Variants in CDH4 observed in about 807,000 individuals in gnomAD.
The protein encoded by CDH4 is cadherin 4.
CDH4 carries 33 observed loss-of-function variants against 86.0 expected under a neutral mutation model. The ratio of observed to expected loss-of-function variants is 0.38; its 90% CI spans 0.29 to 0.51. The LOEUF is 0.51. Among genes scored for constraint, CDH4 ranks in the 20% least tolerant of loss-of-function variants. The pLI is 0.86. For synonymous variants in CDH4, 555 were observed against 549.4 expected (o/e 1.01, Z -0.14); for missense variants, 1,114 against 1,307.4 (o/e 0.85, Z 2.28).
intron 2 of CDH4, among the ~76,000 whole-genome samples, chr20:61,438,407 G>C (rs1207097941): frequency 6.6e-6 from 1 of 152,160 alleles, no homozygotes; most frequent in Non-Finnish European, 1.5e-5. Context: ...CAGTTTTATA[G>C]TGTGTGTTTT....
At chr20:61,701,008 G>A (rs970266030) in intron 2 of CDH4, among the ~76,000 whole-genome samples, 4 of 152,210 alleles carry the variant, frequency 2.6e-5, no homozygotes, top group African/African-American at 7.2e-5. Flanking sequence ...GTATGCTCTC[G>A]CTGCTCTGGA....
intron 6 of CDH4, among the ~76,000 whole-genome samples, chr20:61,872,082 A>T (rs1338160761): frequency 6.6e-6 from 1 of 152,148 alleles, no homozygotes; most frequent in African/African-American, 2.4e-5. Context: ...GGTCCTGGAA[A>T]TAAGCAGTAG....
chr20:61,296,008 C>G (rs2123193054), intron 2 of CDH4, among the ~76,000 whole-genome samples: 1 of 152,178 alleles, frequency 6.6e-6, no homozygotes, highest in East Asian at 1.9e-4. Flanking sequence ...AGGTGGTTTT[C>G]AGGAGGACGG....
chr20:61,883,041 C>T (rs998370653), intron 7 of CDH4, among the ~76,000 whole-genome samples: 12 of 152,158 alleles, frequency 7.9e-5, no homozygotes, highest in African/African-American at 2.9e-4. Context: ...CAAACCCCAC[C>T]ACGGTTTCCT....
chr20:61,863,388 C>T (rs1453826304), intron 6 of CDH4, among the ~76,000 whole-genome samples: 1 of 152,296 alleles, frequency 6.6e-6, no homozygotes, highest in Admixed American at 6.5e-5. Context: ...CCAGAGAAAG[C>T]CCTAGAAAGA....
rs760118171 is a variant in CDH4 at position 61,474,790 on chromosome 20, C to T, written c.169+219853C>T. Among the ~76,000 whole-genome samples, 3 of 152,012 alleles carry T rather than the reference C, an allele frequency of 2.0e-5. No homozygotes were observed. In the South Asian group the frequency reaches 6.2e-4, roughly 32 times the overall value. On this transcript the variant is annotated intron_variant, in intron 2 of 15. Coordinates refer to ENST00000614565, the MANE Select transcript of CDH4 (RefSeq NM_001794.5). ...TTTTATATGTTCTATTAAGGAAATCCCTGCTGTGGCAGATGCTAGCAGCAA... is the reference window on the plus strand; with the variant it reads ...TTTTATATGTTCTATTAAGGAAATCTCTGCTGTGGCAGATGCTAGCAGCAA...
intron 4 of CDH4, among the ~76,000 whole-genome samples, chr20:61,796,204 C>T (rs1357649802): frequency 2.6e-5 from 4 of 152,118 alleles, no homozygotes; most frequent in Non-Finnish European, 5.9e-5. Flanking sequence ...TTACTCCTAT[C>T]GTTTTACTGA....
chr20:61,436,766 A>G (rs978296738), intron 2 of CDH4, among the ~76,000 whole-genome samples: 1 of 151,744 alleles, frequency 6.6e-6, no homozygotes, highest in South Asian at 2.1e-4. Context: ...CAAGTCCCCA[A>G]CTCTCTGGTC....
chr20:61,654,914 CGGGGGCCTG>C (rs2087170857), intron 2 of CDH4, among the ~76,000 whole-genome samples: 1 of 62,402 alleles, frequency 1.6e-5, no homozygotes, highest in Non-Finnish European at 5.0e-5. Flanking sequence ...GACAGGGACA[CGGGGGCCTG>C]AGCCAGCCTC....
At chr20:61,662,277 C>A (rs56271746) in intron 2 of CDH4, among the ~76,000 whole-genome samples, 3 of 152,174 alleles carry the variant, frequency 2.0e-5, no homozygotes, top group Non-Finnish European at 2.9e-5. Flanking sequence ...TGGGAATGGC[C>A]GTGGCAGAGG....
At chr20:61,788,136 G>T (rs1317100324) in intron 4 of CDH4, among the ~76,000 whole-genome samples, 1 of 152,204 alleles carries the variant, frequency 6.6e-6, no homozygotes, top group African/African-American at 2.4e-5. Context: ...AAGGCCAGGG[G>T]TGTTGTTTTA....
chr20:61,754,419 C>T lies in CDH4; in HGVS notation c.396+10630C>T, dbSNP rs1025990453. On this transcript the variant is annotated intron_variant, in intron 3 of 15. Coordinates refer to ENST00000614565, the MANE Select transcript of CDH4 (RefSeq NM_001794.5). This position sits in a 1 kb window ranked among gnomAD's most constrained non-coding sequence, Gnocchi z 4.7. ...CTCCAGGGCTGTTGAGGACAAGTCC[C>T]CGCCCACGGCAGCCCCCAGGTCCCT... 7.9e-5 allele frequency among the ~76,000 whole-genome samples: 12 copies of T among 152,190 alleles called. No individual in the cohort carries two copies. The highest frequency in any genetic ancestry group is 2.9e-4 in the African/African-American group (12 of 41,516).
Position 61,923,582 on chromosome 20 carries a change from C to T in CDH4, c.1506C>T (p.Asn502=), listed in dbSNP as rs191072698. 3.6e-4 allele frequency: 587 copies of T among 1,614,192 alleles called. 4 individuals are homozygous for T. Among genetic ancestry groups the T allele is most frequent in the African/African-American group, 5.3e-5 (4 of 75,066 alleles). ...AGVTISIMDI[N]EAPYFPSNHK... is the part of the protein sequence containing the mutation. ...TGACCATCTCCATCATGGACATCAA[C>T]GAGGCTCCCTACTTCCCCTCAAACC... The change falls in exon 10 of 16, where the codon AAC becomes AAT. Residue 502 remains asparagine, a synonymous_variant. Transcript: ENST00000614565.
rs1017354793 is a variant in CDH4, at chr20:61,811,448, C to T, written c.577-33220C>T. ...TCTGAAGCAAGGAAAAAACAGCAGA[C>T]ATCTATCTGTATGCTTTTGCCATGA... On this transcript the variant is annotated intron_variant, in intron 4 of 15. Transcript: ENST00000614565. The surrounding 1 kb of genome is among the most constrained non-coding windows in gnomAD (Gnocchi z 4.4). Among the ~76,000 whole-genome samples, 1 of 152,220 alleles carries T rather than the reference C, an allele frequency of 6.6e-6. No individual in the cohort carries two copies. Among genetic ancestry groups the T allele is most frequent in the Non-Finnish European group, 1.5e-5 (1 of 68,044 alleles).
Position 61,657,759 on chromosome 20 carries a change from C to T in CDH4, c.170-85804C>T, listed in dbSNP as rs550678527. On this transcript the variant is annotated intron_variant, in intron 2 of 15. Coordinates refer to ENST00000614565, the MANE Select transcript of CDH4 (RefSeq NM_001794.5). ...AAGAATATAAATGCAGCATTCACCT[C>T]GTAGTAAAATGTGGAGCTACATGGG... Among the ~76,000 whole-genome samples, 73 of 152,320 alleles carry T rather than the reference C, an allele frequency of 4.8e-4. No homozygotes were observed. The Middle Eastern group carries it at 0.01, about 21-fold the overall frequency.
Position 61,709,974 on chromosome 20 carries a change from T to G in CDH4, c.170-33589T>G, listed in dbSNP as rs973644588. On this transcript the variant is annotated intron_variant, in intron 2 of 15. Coordinates refer to ENST00000614565, the MANE Select transcript of CDH4 (RefSeq NM_001794.5). This position sits in a 1 kb window ranked among gnomAD's most constrained non-coding sequence, Gnocchi z 4.8. ...ACCATCTGTGTGTTGTAGGGAAAAG[T>G]TTGCCACCAACAGCGAGTTTAAAAC... Among the ~76,000 whole-genome samples the G allele has an allele frequency of 3.9e-5, 6 of 152,090 alleles. No individual in the cohort carries two copies. The highest frequency in any genetic ancestry group is 1.4e-4 in the African/African-American group (6 of 41,396).
chr20:61,395,326 T>A (rs2085010632), intron 2 of CDH4, among the ~76,000 whole-genome samples: 1 of 152,160 alleles, frequency 6.6e-6, no homozygotes, highest in Non-Finnish European at 1.5e-5. Context: ...AATTGACATG[T>A]TAAAGTTGCA....
Position 61,873,789 on chromosome 20 carries a change from G to A in CDH4, c.939G>A (p.Met313Ile). ...ACGACAGCACCACGGCCAACGGGATGGTGCGGTACCGGATCGTGACCCAGA... is the reference window on the plus strand; with the variant it reads ...ACGACAGCACCACGGCCAACGGGATAGTGCGGTACCGGATCGTGACCCAGA... ...DADDSTTANG[M>I]VRYRIVTQTP... The change falls in exon 7 of 16, where the codon ATG (methionine) becomes ATA (isoleucine). Residue 313 changes from methionine to isoleucine, a missense_variant. By Grantham distance (10) the Met-to-Ile change is conservative. Coordinates refer to ENST00000614565, the MANE Select transcript of CDH4 (RefSeq NM_001794.5). 1.2e-6 allele frequency: 2 copies of A among 1,614,076 alleles called. No homozygotes were observed. Among genetic ancestry groups the A allele is most frequent in the Non-Finnish European group, 1.7e-6 (2 of 1,180,040 alleles).
intron 2 of CDH4, among the ~76,000 whole-genome samples, chr20:61,473,020 G>A (rs1305486809): frequency 1.3e-5 from 2 of 152,154 alleles, no homozygotes; most frequent in South Asian, 4.1e-4. Context: ...TGGGGCAGGG[G>A]AGGGGAGGGG....
Sources: allele counts gnomAD v4.1 joint callset (sites outside exome capture counted in the v4.1 genomes callset), GRCh38; gene constraint gnomAD v4.1.1; non-coding constraint Gnocchi (gnomAD v3.1); transcripts MANE v1.5; gene names NCBI Gene and HGNC (gene_info 2026-07-23, HGNC 2026-07-21).